Variants in ATP10A observed in about 807,000 individuals in gnomAD.
ATP10A encodes the protein ATPase phospholipid transporting 10A (putative).
In ATP10A, 111 loss-of-function variants were observed where a neutral mutation model predicts 147.8. The ratio of observed to expected loss-of-function variants is 0.75; its 90% CI spans 0.64 to 0.88. ATP10A has a LOEUF of 0.88. ATP10A is among the 40% of genes least tolerant of loss of function. The pLI, the probability that ATP10A is intolerant of heterozygous loss-of-function variation, is 0.00. For synonymous variants in ATP10A, 875 were observed against 841.6 expected (o/e 1.04, Z -0.69); for missense variants, 1,927 against 1,959.0 (o/e 0.98, Z 0.31).
chr15:25,765,000 A>G (rs1888948939), intron 2 of ATP10A, among the ~76,000 whole-genome samples: 1 of 152,192 alleles, frequency 6.6e-6, no homozygotes, highest in Non-Finnish European at 1.5e-5. Flanking sequence ...TGTCTGTGGA[A>G]TGCTAGTGAG....
intron 2 of ATP10A, among the ~76,000 whole-genome samples, chr15:25,754,640 C>G (rs1159633722): frequency 1.3e-5 from 2 of 152,128 alleles, no homozygotes; most frequent in Non-Finnish European, 2.9e-5. Flanking sequence ...TCATCCCGGC[C>G]CTGAGAAACC....
downstream of ATP10A, among the ~76,000 whole-genome samples, chr15:25,675,753 C>T (rs1433301226): frequency 6.6e-6 from 1 of 152,230 alleles, no homozygotes; most frequent in Non-Finnish European, 1.5e-5. Flanking sequence ...TGAGACCAGC[C>T]TGGCCAACAC....
intron 2 of ATP10A, among the ~76,000 whole-genome samples, chr15:25,752,687 T>A (rs1041584472): frequency 6.6e-6 from 1 of 152,224 alleles, no homozygotes. Context: ...TTGCCTTTTT[T>A]ATTTCTGCAA....
intron 1 of ATP10A, among the ~76,000 whole-genome samples, chr15:25,849,655 G>A (rs1893192575): frequency 6.6e-6 from 1 of 152,116 alleles, no homozygotes; most frequent in Non-Finnish European, 1.5e-5. Flanking sequence ...GAGGAGCACG[G>A]CGCAGCTGCA....
chr15:25,787,418 AGCCT>A (rs1181982990), intron 1 of ATP10A, among the ~76,000 whole-genome samples: 2 of 152,036 alleles, frequency 1.3e-5, no homozygotes, highest in East Asian at 3.9e-4. Flanking sequence ...GTTCAAGACC[AGCCT>A]GGGCAACATA....
intron 10 of ATP10A, 163 bp from the exon 11 acceptor site, chr15:25,708,463 GTC>G: frequency 2.2e-6 from 1 of 461,044 alleles, no homozygotes. Flanking sequence ...TTAAAAAAGA[GTC>G]TCATCAATAT....
intron 3 of ATP10A, among the ~76,000 whole-genome samples, chr15:25,733,526 C>T (rs986436078): frequency 1.3e-5 from 2 of 152,162 alleles, no homozygotes; most frequent in East Asian, 1.9e-4. Flanking sequence ...CCCACAGTCA[C>T]GGGGGCAAGT....
At chr15:25,849,852 A>G (rs905758077) in intron 1 of ATP10A, among the ~76,000 whole-genome samples, 1 of 152,202 alleles carries the variant, frequency 6.6e-6, no homozygotes, top group Non-Finnish European at 1.5e-5. Flanking sequence ...TTCCAAAAAA[A>G]AAAATAAATG....
At chr15:25,788,666 T>C (rs1890277920) in intron 1 of ATP10A, among the ~76,000 whole-genome samples, 1 of 152,240 alleles carries the variant, frequency 6.6e-6, no homozygotes, top group Non-Finnish European at 1.5e-5. Context: ...TTGTCTTTGA[T>C]TTGTGGTTTG....
chr15:25,716,289 T>G (rs1901801543), intron 9 of ATP10A, among the ~76,000 whole-genome samples: 1 of 152,148 alleles, frequency 6.6e-6, no homozygotes, highest in Non-Finnish European at 1.5e-5. Context: ...TGTCTTGTCC[T>G]CTCTCCTGTG....
intron 2 of ATP10A, among the ~76,000 whole-genome samples, chr15:25,741,506 A>G (rs1201526203): frequency 6.6e-6 from 1 of 152,244 alleles, no homozygotes. Context: ...GATCATGGGT[A>G]AAGAATGCCT....
chr15:25,680,487 C>T (rs182372283), intron 19 of ATP10A, among the ~76,000 whole-genome samples, 179 bp from the exon 20 acceptor site: 2 of 152,262 alleles, frequency 1.3e-5, no homozygotes, highest in Admixed American at 6.5e-5. Flanking sequence ...ACCCATGGAC[C>T]GCCCTGGGAG....
rs1292490847 is a variant in ATP10A, at chr15:25,679,599, C to A, written c.4242G>T (p.Lys1414Asn). The A allele has an allele frequency of 1.2e-6, 2 of 1,611,278 alleles. No individual in the cohort carries two copies. Among genetic ancestry groups the A allele is most frequent in the Admixed American group, 1.7e-5 (1 of 59,970 alleles). Residue 1414 changes from lysine to asparagine, a missense_variant, in exon 21 of 21, where the codon AAG becomes AAT. Lys to Asn is a moderately conservative substitution (Grantham distance 94). Transcript: ENST00000555815. ...RSPGGCPEESKVRAASTGRVT... is the reference protein window; with the variant it reads ...RSPGGCPEESNVRAASTGRVT... ...CCCTGCCGGTGCTGGCAGCTCTCAC[C>A]TTGGACTCCTCAGGACACCCTCCTG...
At chr15:25,828,054 C>T (rs1480079238) in intron 1 of ATP10A, among the ~76,000 whole-genome samples, 1 of 151,846 alleles carries the variant, frequency 6.6e-6, no homozygotes, top group African/African-American at 2.4e-5. Flanking sequence ...TAGTACAAAT[C>T]AAGAAAGACA....
At chr15:25,752,014 C>G (rs189760822) in intron 2 of ATP10A, among the ~76,000 whole-genome samples, 2 of 152,040 alleles carry the variant, frequency 1.3e-5, no homozygotes, top group Non-Finnish European at 2.9e-5. Context: ...TAAAAGATAT[C>G]AAATGTTGAT....
intron 9 of ATP10A, 88 bp downstream of exon 9, chr15:25,716,642 G>A (rs1901829504): frequency 2.3e-6 from 3 of 1,314,080 alleles, no homozygotes; most frequent in East Asian, 5.1e-5. Flanking sequence ...TGCAGGAAAG[G>A]GAAGGGCGCC....
intron 7 of ATP10A, 113 bp downstream of exon 7, chr15:25,721,543 CG>C: frequency 1.3e-6 from 1 of 748,320 alleles, no homozygotes; most frequent in Non-Finnish European, 2.1e-6. Context: ...ATCCCTGAAG[CG>C]TGTGTGTGTG....
chr15:25,817,488 T>G (rs1891711827), intron 1 of ATP10A, among the ~76,000 whole-genome samples: 1 of 152,208 alleles, frequency 6.6e-6, no homozygotes, highest in Admixed American at 6.5e-5. Flanking sequence ...TAAAGACAAC[T>G]GAAATGCAAA....
intron 7 of ATP10A, 93 bp from the exon 8 acceptor site, chr15:25,718,492 T>A: frequency 1.5e-6 from 2 of 1,307,030 alleles, no homozygotes; most frequent in Admixed American, 4.1e-5. Flanking sequence ...CCGCGAGGCT[T>A]CCGGCAGGGC....
Sources: allele counts gnomAD v4.1 joint callset (sites outside exome capture counted in the v4.1 genomes callset), GRCh38; gene constraint gnomAD v4.1.1; transcripts MANE v1.5; gene names NCBI Gene and HGNC (gene_info 2026-07-23, HGNC 2026-07-21).